PLCXD2: variants seen among roughly 807,000 people sequenced by gnomAD.
PLCXD2 encodes the protein PI-PLC X domain-containing protein 2.
A neutral mutation model predicts 28.6 loss-of-function variants in PLCXD2; 21 were observed. The observed-to-expected ratio is 0.73, with a 90% CI of 0.52 to 1.06. The LOEUF (loss-of-function observed/expected upper bound fraction) is 1.06, where lower values mean the gene tolerates loss of function less well. Ranked by LOEUF, PLCXD2 falls within the 50% of genes least tolerant of loss-of-function variation. The pLI is 0.00. For missense variants in PLCXD2, 369 were observed against 376.7 expected (o/e 0.98, Z 0.17); for synonymous variants, 140 against 150.1 (o/e 0.93, Z 0.49).
intron 3 of PLCXD2, chr3:111,726,767 T>C (rs1380488548): frequency 6.6e-6 from 1 of 152,202 alleles, no homozygotes; most frequent in Non-Finnish European, 1.5e-5. Flanking sequence ...ACTTACAACA[T>C]TGTAAAGCCA....
At chr3:111,725,491 T>C (rs539420731) in intron 3 of PLCXD2, 95 of 397,032 alleles carry the variant, frequency 2.4e-4, no homozygotes, top group African/African-American at 1.8e-3. Flanking sequence ...CAAGGGACGC[T>C]CTCCGTAGCT....
At chr3:111,688,924 A>T (rs569407177) in intron 1 of PLCXD2, among the ~76,000 whole-genome samples, 4 of 152,066 alleles carry the variant, frequency 2.6e-5, no homozygotes, top group Non-Finnish European at 5.9e-5. Flanking sequence ...ATTATTAAAC[A>T]TCCTTTTGAT....
chr3:111,708,095 C>T lies in PLCXD2; in HGVS notation c.333C>T (p.Arg111=), dbSNP rs1941145480. 6.2e-7 allele frequency: 1 copy of T among 1,614,124 alleles called. No homozygotes were observed. The highest frequency in any genetic ancestry group is 8.5e-7 in the Non-Finnish European group (1 of 1,180,056). The change falls in exon 2 of 5, where the codon CGC becomes CGT. Residue 111 remains arginine, a synonymous_variant. Transcript: ENST00000477665. ...GAGAACAGCTGGAAGCTGGGATCCG[C>T]TACTTTGACCTGCGTGTGTCTTCCA...
intron 1 of PLCXD2, among the ~76,000 whole-genome samples, chr3:111,701,785 GT>G (rs1166539829): frequency 6.6e-6 from 1 of 152,098 alleles, no homozygotes; most frequent in Non-Finnish European, 1.5e-5. Flanking sequence ...CAAATGTAAG[GT>G]TTTGGTAACT....
Position 111,690,998 on chromosome 3 carries a change from C to A in PLCXD2, c.163+15590C>A, listed in dbSNP as rs534116192. Among the ~76,000 whole-genome samples, 6 of 152,260 alleles carry A rather than the reference C, an allele frequency of 3.9e-5. No individual in the cohort carries two copies. In the South Asian group the frequency reaches 1.2e-3, roughly 32 times the overall value. ...TGCTAAACAATAAGTGAACTATTAG[C>A]CAATGCATTTAATCACTGTAGGACA... On this transcript the variant is annotated intron_variant, in intron 1 of 4. Coordinates refer to ENST00000477665, the MANE Select transcript of PLCXD2 (RefSeq NM_001185106.1).
At chr3:111,709,727 A>T (rs1443210166) in intron 2 of PLCXD2, among the ~76,000 whole-genome samples, 1 of 152,194 alleles carries the variant, frequency 6.6e-6, no homozygotes, top group African/African-American at 2.4e-5. Flanking sequence ...TCTTTGAGGA[A>T]AAGGAACATG....
At chr3:111,681,519 G>T (rs548778425) in intron 1 of PLCXD2, among the ~76,000 whole-genome samples, 1 of 152,044 alleles carries the variant, frequency 6.6e-6, no homozygotes, top group East Asian at 1.9e-4. Flanking sequence ...CCAGCTATTG[G>T]AATAATAGCT....
At chr3:111,703,762 G>A (rs1350359536) in intron 1 of PLCXD2, among the ~76,000 whole-genome samples, 5 of 152,188 alleles carry the variant, frequency 3.3e-5, no homozygotes, top group Non-Finnish European at 7.4e-5. Context: ...GCAGTAGGCA[G>A]GTATCCAGGG....
chr3:111,687,684 C>CTTT (rs5851776), intron 1 of PLCXD2, among the ~76,000 whole-genome samples: 12 of 137,314 alleles, frequency 8.7e-5, no homozygotes, highest in Non-Finnish European at 8.0e-5. Flanking sequence ...TTCTTTCTTT[C>CTTT]TTTTTTTTTT....
chr3:111,679,588 G>A lies in PLCXD2; in HGVS notation c.163+4180G>A, dbSNP rs143575483. Among the ~76,000 whole-genome samples the A allele has an allele frequency of 1.2e-4, 19 of 152,296 alleles. No homozygotes were observed. In the East Asian group the frequency reaches 3.7e-3, roughly 29 times the overall value. ...GCTGGAAACATGGTTTGCAGCCACC[G>A]CTGTTTTTCATTGTGATCAGAGCTG... On this transcript the variant is annotated intron_variant, in intron 1 of 4. Transcript: ENST00000477665.
At chr3:111,677,245 G>T (rs1334107875) in intron 1 of PLCXD2, 3 of 152,190 alleles carry the variant, frequency 2.0e-5, no homozygotes, top group African/African-American at 7.2e-5. Context: ...GTGTATGTAT[G>T]TGTAGGCTCA....
intron 2 of PLCXD2, among the ~76,000 whole-genome samples, chr3:111,710,929 G>T (rs1941191589): frequency 6.6e-6 from 1 of 152,178 alleles, no homozygotes; most frequent in Non-Finnish European, 1.5e-5. Flanking sequence ...GTAGAGTGAT[G>T]ATCTATCATA....
intron 1 of PLCXD2, among the ~76,000 whole-genome samples, chr3:111,693,297 TTA>T (rs1940913282): frequency 6.6e-6 from 1 of 152,200 alleles, no homozygotes; most frequent in Non-Finnish European, 1.5e-5. Context: ...GAGGCATTTA[TTA>T]TTTATAGAAA....
At chr3:111,721,051 T>C (rs1467444456) in intron 3 of PLCXD2, 3 of 384,732 alleles carry the variant, frequency 7.8e-6, no homozygotes, top group African/African-American at 2.1e-5. Flanking sequence ...GGGCTATTAA[T>C]TGCATTTTTC....
chr3:111,697,614 G>T (rs1292548639), intron 1 of PLCXD2, among the ~76,000 whole-genome samples: 1 of 151,964 alleles, frequency 6.6e-6, no homozygotes, highest in Admixed American at 6.6e-5. Flanking sequence ...AACTGATAGG[G>T]TTTTTTTGAT....
intron 1 of PLCXD2, among the ~76,000 whole-genome samples, chr3:111,679,587 C>T (rs1243862678): frequency 2.6e-5 from 4 of 152,104 alleles, no homozygotes; most frequent in Admixed American, 2.0e-4. Context: ...TTGCAGCCAC[C>T]GCTGTTTTTC....
At chr3:111,706,492 T>C (rs928187367) in intron 1 of PLCXD2, among the ~76,000 whole-genome samples, 24 of 152,006 alleles carry the variant, frequency 1.6e-4, no homozygotes, top group African/African-American at 5.6e-4. Flanking sequence ...ATAGTAAAGT[T>C]AAACAATAAA....
intron 2 of PLCXD2, among the ~76,000 whole-genome samples, chr3:111,713,191 G>A (rs928021404): frequency 6.6e-6 from 1 of 152,274 alleles, no homozygotes; most frequent in African/African-American, 2.4e-5. Flanking sequence ...CTCAGCCTAA[G>A]AGTTCTCAGC....
chr3:111,685,916 C>T (rs541443016), intron 1 of PLCXD2, among the ~76,000 whole-genome samples: 1 of 151,362 alleles, frequency 6.6e-6, no homozygotes, highest in East Asian at 1.9e-4. Flanking sequence ...TTAAAATGCT[C>T]CCCCCCACAA....
Sources: gnomAD v4.1 joint callset for allele counts (sites outside exome capture counted in the v4.1 genomes callset) on GRCh38, gnomAD v4.1.1 for gene constraint, MANE v1.5 for transcripts, NCBI Gene and HGNC (gene_info 2026-07-23, HGNC 2026-07-21) for gene names.